The following AXDND1 variants were observed in gnomAD, a reference collection of about 807,000 sequenced individuals.
AXDND1 encodes the protein axonemal dynein light chain domain containing 1.
In AXDND1, 110 loss-of-function variants were observed where a neutral mutation model predicts 137.5. The ratio of observed to expected loss-of-function variants is 0.80; its 90% CI spans 0.69 to 0.94. The LOEUF (loss-of-function observed/expected upper bound fraction) is 0.94. AXDND1 is among the 40% of genes least tolerant of loss of function. The pLI is 0.00. For synonymous variants in AXDND1, 414 were observed against 399.7 expected, an observed-to-expected ratio of 1.04 and a Z score of -0.43; for missense variants, 1,191 against 1,169.8, an observed-to-expected ratio of 1.02 and a Z score of -0.26.
At chr1:179,490,840 C>T (rs1029934802) in intron 18 of AXDND1, among the ~76,000 whole-genome samples, 4 of 151,622 alleles carry the variant, frequency 2.6e-5, no homozygotes, top group Non-Finnish European at 4.4e-5. Context: ...TAATATAGGG[C>T]ATCTAAAGTT....
At position 179,366,398 on chromosome 1, in the gene AXDND1, C is replaced by T. The variant is rs1292839102; in HGVS notation, c.-106-6C>T. On this transcript the variant is annotated splice_polypyrimidine_tract_variant and splice_region_variant and intron_variant, in intron 1 of 25. Coordinates refer to ENST00000367618, the MANE Select transcript of AXDND1 (RefSeq NM_144696.6). Reference sequence around the variant, plus strand: ...TTTTTTTAAATCTTTTTTCCTCTGCCTGCAGGACTATGTGGCAGCCTGCAA... The same window carrying T: ...TTTTTTTAAATCTTTTTTCCTCTGCTTGCAGGACTATGTGGCAGCCTGCAA... The T allele has an allele frequency of 6.9e-6, 5 of 729,072 alleles. No homozygotes were observed. Among genetic ancestry groups the T allele is most frequent in the Admixed American group, 4.9e-5 (2 of 41,010 alleles). 45.2% of individuals were successfully genotyped at this position (729,072 alleles called of 1,614,324 possible).
At chr1:179,489,687 G>A (rs1572055599) in intron 18 of AXDND1, among the ~76,000 whole-genome samples, 1 of 150,978 alleles carries the variant, frequency 6.6e-6, no homozygotes, top group East Asian at 1.9e-4. Flanking sequence ...CAACCTTCCT[G>A]TCTGAATCAA....
chr1:179,502,744 C>T (rs1019142093), intron 20 of AXDND1, among the ~76,000 whole-genome samples: 2 of 151,744 alleles, frequency 1.3e-5, no homozygotes, highest in African/African-American at 4.8e-5. Flanking sequence ...CAATTCTATT[C>T]ATCTGTCAGT....
Position 179,473,454 on chromosome 1 carries a change from C to T in AXDND1, c.1997+4813C>T, listed in dbSNP as rs185560651. 5.5e-4 allele frequency among the ~76,000 whole-genome samples: 84 copies of T among 152,042 alleles called. No individual in the cohort carries two copies. The East Asian group carries it at 0.01, about 19-fold the overall frequency. ...TGGAGTTTGCAGTGAGCCGAGATCG[C>T]GCCATTGCACTCCAGCCTGAGCAAC... On this transcript the variant is annotated intron_variant, in intron 17 of 25. Transcript: ENST00000367618.
At chr1:179,466,926 G>C (rs1204663904) in intron 16 of AXDND1, among the ~76,000 whole-genome samples, 1 of 152,116 alleles carries the variant, frequency 6.6e-6, no homozygotes. Flanking sequence ...TCTGAGGGCT[G>C]TTCTATTTCT....
chr1:179,424,788 T>C (rs1656317800), intron 12 of AXDND1, among the ~76,000 whole-genome samples: 1 of 152,186 alleles, frequency 6.6e-6, no homozygotes, highest in African/African-American at 2.4e-5. Flanking sequence ...AGCCTGTATT[T>C]GGGTTCACTG....
chr1:179,472,457 A>G (rs1182918149), intron 17 of AXDND1, among the ~76,000 whole-genome samples: 1 of 152,198 alleles, frequency 6.6e-6, no homozygotes, highest in African/African-American at 2.4e-5. Flanking sequence ...ACACTTGAGA[A>G]GAATGTATAT....
At chr1:179,502,888 G>A (rs917086336) in intron 20 of AXDND1, among the ~76,000 whole-genome samples, 5 of 151,956 alleles carry the variant, frequency 3.3e-5, no homozygotes, top group African/African-American at 1.2e-4. Context: ...CTGAGGTTGG[G>A]AGATCAAGAC....
chr1:179,544,256 C>T (rs1329412327), intron 25 of AXDND1: 1 of 152,202 alleles, frequency 6.6e-6, no homozygotes, highest in African/African-American at 2.4e-5. Flanking sequence ...TTAGCCTCTT[C>T]AATTGATTTC....
chr1:179,539,842 C>T (rs571811232), intron 25 of AXDND1, among the ~76,000 whole-genome samples: 3 of 152,116 alleles, frequency 2.0e-5, no homozygotes, highest in South Asian at 2.1e-4. Context: ...AACGTAGATT[C>T]GGTCTTTTCA....
chr1:179,488,413 T>TG (rs1666324902), intron 18 of AXDND1, among the ~76,000 whole-genome samples: 1 of 147,468 alleles, frequency 6.8e-6, no homozygotes, highest in Non-Finnish European at 1.5e-5. Context: ...AGTATGTGTG[T>TG]GGTTTTTTTT....
rs768635158 is a variant in AXDND1 at position 179,445,187 on chromosome 1, G to A, written c.1781G>A (p.Arg594Lys). 2.5e-6 allele frequency: 4 copies of A among 1,576,522 alleles called. No individual in the cohort carries two copies. Among genetic ancestry groups the A allele is most frequent in the African/African-American group, 1.4e-5 (1 of 73,892 alleles). Reference protein sequence around the residue: ...IQKLYKEYEIRINGDNGYSKI... With the variant: ...IQKLYKEYEIKINGDNGYSKI... ...AAACTCTACAAAGAATATGAAATAAGAATAAATGGGGACAATGGTAAGAAA... is the reference window on the plus strand; with the variant it reads ...AAACTCTACAAAGAATATGAAATAAAAATAAATGGGGACAATGGTAAGAAA... The change falls in exon 16 of 26, where the codon AGA becomes AAA. Residue 594 changes from arginine (R) to lysine (K), a missense_variant. Physicochemically the swap from Arg to Lys is conservative, Grantham distance 26. Transcript: ENST00000367618.
chr1:179,374,036 C>T (rs1267314236), intron 4 of AXDND1, among the ~76,000 whole-genome samples: 1 of 152,100 alleles, frequency 6.6e-6, no homozygotes, highest in Non-Finnish European at 1.5e-5. Context: ...TCAGAGTGAA[C>T]AGGCAACCTA....
At chr1:179,404,500 G>A (rs1329774684) in intron 11 of AXDND1, among the ~76,000 whole-genome samples, 1 of 152,058 alleles carries the variant, frequency 6.6e-6, no homozygotes, top group African/African-American at 2.4e-5. Context: ...GGAATTACAG[G>A]TGTGAGCCAC....
chr1:179,366,316 G>T, intron 1 of AXDND1, 88 bp from the exon 2 acceptor site: 1 of 490,472 alleles, frequency 2.0e-6, no homozygotes. Flanking sequence ...AACCATGCTA[G>T]ATGAATTCTA....
At chr1:179,414,204 A>G (rs1654335327) in intron 12 of AXDND1, among the ~76,000 whole-genome samples, 1 of 151,546 alleles carries the variant, frequency 6.6e-6, no homozygotes, top group African/African-American at 2.4e-5. Flanking sequence ...TACAAAAAAA[A>G]ACCCAACGTA....
chr1:179,368,027 G>A (rs2125036051), intron 2 of AXDND1, among the ~76,000 whole-genome samples: 1 of 150,716 alleles, frequency 6.6e-6, no homozygotes, highest in East Asian at 1.9e-4. Context: ...ATTTGGTAAT[G>A]TAAACCCTAA....
chr1:179,429,613 A>C lies in AXDND1; in HGVS notation c.1326A>C (p.Ser442=), dbSNP rs1474231580. 2 of 1,561,648 alleles carry C rather than the reference A, an allele frequency of 1.3e-6. No homozygotes were observed. ...CTAAGCATTTCATCATACTGCTATCAAACAAGGTAAAGGTCAATTATCTTC... is the reference window on the plus strand; with the variant it reads ...CTAAGCATTTCATCATACTGCTATCCAACAAGGTAAAGGTCAATTATCTTC... ...KYTKHFIILL[S]NKDTEDLALL... The change falls in exon 13 of 26, where the codon TCA becomes TCC. Residue 442 remains serine, a synonymous_variant. Transcript: ENST00000367618.
chr1:179,387,699 T>C (rs1208322762), intron 9 of AXDND1, among the ~76,000 whole-genome samples: 1 of 152,244 alleles, frequency 6.6e-6, no homozygotes, highest in African/African-American at 2.4e-5. Context: ...ACAAGAGCAG[T>C]GCCCAATTTA....
Sources: allele counts gnomAD v4.1 joint callset (sites outside exome capture counted in the v4.1 genomes callset), GRCh38; gene constraint gnomAD v4.1.1; transcripts MANE v1.5; gene names NCBI Gene and HGNC (gene_info 2026-07-23, HGNC 2026-07-21).